The following RASGRP3 variants were observed in gnomAD, a reference collection of about 807,000 sequenced individuals.
RASGRP3 encodes the protein RAS guanyl releasing protein 3.
A neutral mutation model predicts 82.7 loss-of-function variants in RASGRP3; 54 were observed. That is an observed-to-expected ratio of 0.65 (90% CI 0.52 to 0.82). The LOEUF (loss-of-function observed/expected upper bound fraction) is 0.82. Ranked by LOEUF, RASGRP3 falls within the 40% of genes least tolerant of loss-of-function variation. The probability of loss-of-function intolerance (pLI) is 0.00; values close to 1 mark genes in which losing one functional copy is unlikely to be tolerated. For missense variants in RASGRP3, 861 were observed against 828.9 expected, an observed-to-expected ratio of 1.04 and a Z score of -0.48; for synonymous variants, 309 against 300.5, an observed-to-expected ratio of 1.03 and a Z score of -0.29.
At chr2:33,470,677 C>T (rs1667006845) in intron 2 of RASGRP3, among the ~76,000 whole-genome samples, 1 of 152,034 alleles carries the variant, frequency 6.6e-6, no homozygotes, top group South Asian at 2.1e-4. Context: ...CCACGCCCGG[C>T]CAAGAATTAT....
chr2:33,453,400 C>T, intron 2 of RASGRP3, among the ~76,000 whole-genome samples: 1 of 152,170 alleles, frequency 6.6e-6, no homozygotes, highest in East Asian at 1.9e-4. Flanking sequence ...GGGATATGTG[C>T]TGGAAAATAC....
chr2:33,497,048 T>C (rs1192923698), intron 1 of RASGRP3, among the ~76,000 whole-genome samples: 5 of 152,194 alleles, frequency 3.3e-5, no homozygotes, highest in African/African-American at 1.2e-4. Context: ...TTTCTCCCAA[T>C]TCAAGTACGT....
Position 33,559,013 on chromosome 2 carries a change from A to C in RASGRP3, c.2047A>C (p.Thr683Pro). Residue 683 changes from threonine (T) to proline (P), a missense_variant, in exon 17 of 18, where the codon ACC becomes CCC. By Grantham distance (38) the Thr-to-Pro change is conservative. Coordinates refer to ENST00000403687, the MANE Select transcript of RASGRP3 (RefSeq NM_001139488.2). ...FELDQDEGEE[T>P]RQDGEDG is the part of the protein sequence containing the mutation. ...ACTTGACCAGGATGAAGGAGAAGAG[A>C]CCAGACAGGATGGTGAGGTAAGTGC... 6.2e-7 allele frequency: 1 copy of C among 1,609,114 alleles called. No homozygotes were observed. The highest frequency in any genetic ancestry group is 1.1e-5 in the South Asian group (1 of 90,108).
At chr2:33,493,917 G>C (rs1337487142) in intron 1 of RASGRP3, among the ~76,000 whole-genome samples, 2 of 152,044 alleles carry the variant, frequency 1.3e-5, no homozygotes, top group African/African-American at 4.8e-5. Flanking sequence ...TGGCCAAAGG[G>C]TGGCTTCGTG....
chr2:33,540,554 TTTTGTGTGTGTGTGTGTG>T lies in RASGRP3; in HGVS notation c.1278+1346_1278+1363del, dbSNP rs1239612700. On this transcript the variant is annotated intron_variant, in intron 12 of 17. Transcript: ENST00000403687. ...CTCTCTCTCTCTCTCTGTGTGTGTGTTTTGTGTGTGTGTGTGTGTGTGTGTGTGTGTGTGTGTGTGTGT... is the reference window on the plus strand; with the variant it reads ...CTCTCTCTCTCTCTCTGTGTGTGTGTTGTGTGTGTGTGTGTGTGTGTGTGT... 7.3e-4 allele frequency among the ~76,000 whole-genome samples: 19 copies of T among 26,188 alleles called. 2 individuals carry two copies. Among genetic ancestry groups the T allele is most frequent in the Admixed American group, 1.4e-3 (2 of 1,432 alleles). 17.2% of individuals were successfully genotyped at this position (26,188 alleles called of 152,430 possible).
Position 33,519,924 on chromosome 2 carries a change from A to G in RASGRP3, c.174-28A>G, listed in dbSNP as rs200653982. 1,755 of 1,577,764 alleles carry G rather than the reference A, an allele frequency of 1.1e-3. 3 individuals carry two copies. Among genetic ancestry groups the G allele is most frequent in the Non-Finnish European group, 1.4e-3 (1,644 of 1,155,088 alleles). Reference sequence around the variant, plus strand: ...GGGGTGTGCAAAGGAAAGGAGGTGCAAGGATTTTTTTTCTTTAACTGGTTT... The same window carrying G: ...GGGGTGTGCAAAGGAAAGGAGGTGCGAGGATTTTTTTTCTTTAACTGGTTT... On this transcript the variant is annotated intron_variant, in intron 4 of 17. Transcript: ENST00000403687.
At chr2:33,463,734 G>A (rs906085902) in intron 2 of RASGRP3, among the ~76,000 whole-genome samples, 7 of 151,806 alleles carry the variant, frequency 4.6e-5, no homozygotes, top group African/African-American at 1.7e-4. Context: ...AAGTAAGCTG[G>A]GATTACAGGT....
chr2:33,496,016 G>T (rs563509451), intron 1 of RASGRP3, among the ~76,000 whole-genome samples: 2 of 152,306 alleles, frequency 1.3e-5, no homozygotes, highest in South Asian at 4.1e-4. Context: ...TAAAGGTTCA[G>T]ATTTGTACAT....
At chr2:33,497,259 T>C (rs964241296) in intron 1 of RASGRP3, among the ~76,000 whole-genome samples, 31 of 152,172 alleles carry the variant, frequency 2.0e-4, no homozygotes, top group African/African-American at 6.8e-4. Flanking sequence ...TTTCCTGAAC[T>C]GGAGATTAGA....
At chr2:33,500,234 C>T (rs1669738745) in intron 1 of RASGRP3, among the ~76,000 whole-genome samples, 1 of 152,048 alleles carries the variant, frequency 6.6e-6, no homozygotes, top group Non-Finnish European at 1.5e-5. Flanking sequence ...GCTTTGTATG[C>T]CATGGAAAGG....
At chr2:33,459,464 C>T (rs114306171) in intron 2 of RASGRP3, among the ~76,000 whole-genome samples, 1 of 152,048 alleles carries the variant, frequency 6.6e-6, no homozygotes, top group South Asian at 2.1e-4. Flanking sequence ...CTTTGCATTG[C>T]TTTTAGTTCA....
At chr2:33,447,073 T>G (rs113348473) in intron 1 of RASGRP3, among the ~76,000 whole-genome samples, 8 of 133,370 alleles carry the variant, frequency 6.0e-5, no homozygotes, top group African/African-American at 2.4e-4. Context: ...GAACCTACAC[T>G]CCAGCCTGGG....
chr2:33,474,325 G>A (rs1017275300), upstream of RASGRP3, among the ~76,000 whole-genome samples: 2 of 152,096 alleles, frequency 1.3e-5, no homozygotes, highest in Admixed American at 1.3e-4. Context: ...ATGATAGTGA[G>A]TGAGTTCTTT....
chr2:33,529,027 A>G (rs187305671), intron 10 of RASGRP3, among the ~76,000 whole-genome samples: 181 of 152,280 alleles, frequency 1.2e-3, no homozygotes, highest in African/African-American at 4.2e-3. Flanking sequence ...TCTGTGTCCA[A>G]GCTGTCCACG....
At chr2:33,518,782 G>T (rs1171238875) in intron 4 of RASGRP3, among the ~76,000 whole-genome samples, 1 of 151,774 alleles carries the variant, frequency 6.6e-6, no homozygotes, top group Admixed American at 6.6e-5. Flanking sequence ...CTAGGTTTAG[G>T]TTTACACAGG....
rs1474386298 is a variant in RASGRP3 at position 33,527,389 on chromosome 2, A to G, written c.1060A>G (p.Met354Val). ...TGCCTCTCACCACTTAGAACCCAAC[A>G]TGGATTTGATCAACCTGCTCACGGT... ...QNASHHLEPN[M>V]DLINLLTLSL... The change falls in exon 10 of 18, where the codon ATG becomes GTG. Residue 354 changes from methionine to valine, a missense_variant. Coordinates refer to ENST00000403687, the MANE Select transcript of RASGRP3 (RefSeq NM_001139488.2). The G allele has an allele frequency of 1.9e-6, 3 of 1,613,548 alleles. No homozygotes were observed. The East Asian group carries it at 6.7e-5, about 36-fold the overall frequency.
rs990255122 is a variant in RASGRP3, at chr2:33,564,731, A to G, written c.*1994A>G. 6.6e-6 allele frequency: 1 copy of G among 152,198 alleles called. No homozygotes were observed. The highest frequency in any genetic ancestry group is 2.4e-5 in the African/African-American group (1 of 41,446). 9.4% of individuals were successfully genotyped at this position (152,198 alleles called of 1,614,324 possible). ...AAAAAATAAAAAAGAATAACTATGT[A>G]TATACATATATAAATTACATATGGG... is the stretch of plus-strand genomic sequence containing the variant. On this transcript the variant is annotated 3_prime_UTR_variant, in exon 18 of 18. Transcript: ENST00000403687.
intron 11 of RASGRP3, among the ~76,000 whole-genome samples, chr2:33,537,306 A>ACACC: frequency 2.2e-5 from 1 of 45,530 alleles, no homozygotes; most frequent in Non-Finnish European, 3.9e-5. Context: ...TCTCTAAAAT[A>ACACC]CACACACACA....
chr2:33,535,387 C>T (rs974364865), intron 11 of RASGRP3, among the ~76,000 whole-genome samples: 2 of 152,182 alleles, frequency 1.3e-5, no homozygotes, highest in African/African-American at 2.4e-5. Flanking sequence ...AGATAAAATG[C>T]CTATGCTTGC....
Sources: allele counts gnomAD v4.1 joint callset (sites outside exome capture counted in the v4.1 genomes callset), GRCh38; gene constraint gnomAD v4.1.1; transcripts MANE v1.5; gene names NCBI Gene and HGNC (gene_info 2026-07-23, HGNC 2026-07-21).